Variants in WDR41 observed in about 807,000 individuals in gnomAD.
The protein encoded by WDR41 is WD repeat domain 41.
In WDR41, 63 loss-of-function variants were observed where a neutral mutation model predicts 69.3. The ratio of observed to expected loss-of-function variants is 0.91; its 90% CI spans 0.74 to 1.12. The LOEUF is 1.12. WDR41 is among the 50% of genes most tolerant of loss of function. The probability of loss-of-function intolerance (pLI) is 0.00; values close to 1 mark genes in which losing one functional copy is unlikely to be tolerated. For synonymous variants in WDR41, 185 were observed against 192.1 expected, an observed-to-expected ratio of 0.96 and a Z score of 0.31; for missense variants, 543 against 534.5, an observed-to-expected ratio of 1.02 and a Z score of -0.16.
chr5:77,594,158 C>T (rs945041502), intron 1 of WDR41, among the ~76,000 whole-genome samples: 12 of 150,898 alleles, frequency 8.0e-5, no homozygotes, highest in South Asian at 4.2e-4. Flanking sequence ...AGCAAACTAT[C>T]GCAAGGACAA....
chr5:77,527,464 C>G (rs1802466388), intron 1 of WDR41, among the ~76,000 whole-genome samples: 1 of 151,732 alleles, frequency 6.6e-6, no homozygotes, highest in Non-Finnish European at 1.5e-5. Flanking sequence ...AATTTGTAGG[C>G]ACTTAATAAT....
intron 2 of WDR41, among the ~76,000 whole-genome samples, chr5:77,484,630 A>C (rs1192771922): frequency 6.6e-6 from 1 of 152,212 alleles, no homozygotes. Context: ...TAACTTTTTC[A>C]AGCCATCAAA....
At chr5:77,570,682 T>C (rs1304432322) in intron 1 of WDR41, among the ~76,000 whole-genome samples, 1 of 151,748 alleles carries the variant, frequency 6.6e-6, no homozygotes, top group Non-Finnish European at 1.5e-5. Context: ...TGTGGCACTT[T>C]CCATTCAAAT....
chr5:77,437,460 G>T, intron 10 of WDR41, 36 bp from the exon 11 acceptor site: 1 of 1,557,426 alleles, frequency 6.4e-7, no homozygotes, highest in Non-Finnish European at 8.9e-7. Flanking sequence ...CAAAAAGAGC[G>T]CACCACTGAG....
intron 1 of WDR41, among the ~76,000 whole-genome samples, chr5:77,577,958 T>C (rs1242543685): frequency 2.0e-5 from 3 of 152,230 alleles, no homozygotes; most frequent in African/African-American, 7.2e-5. Flanking sequence ...ACGAAGCCTA[T>C]TTTATAATAA....
chr5:77,482,192 C>T (rs1801302335), intron 2 of WDR41, among the ~76,000 whole-genome samples: 1 of 152,136 alleles, frequency 6.6e-6, no homozygotes, highest in Non-Finnish European at 1.5e-5. Context: ...AGTCCAACCC[C>T]TCTGTAAATT....
intron 1 of WDR41, among the ~76,000 whole-genome samples, chr5:77,537,255 T>C (rs926573814): frequency 1.3e-5 from 2 of 152,176 alleles, no homozygotes. Flanking sequence ...TTTATTTTCA[T>C]TAGGTATGGT....
At chr5:77,554,611 A>G (rs1028583198) in intron 1 of WDR41, among the ~76,000 whole-genome samples, 2 of 149,398 alleles carry the variant, frequency 1.3e-5, no homozygotes, top group Non-Finnish European at 3.0e-5. Context: ...ATTATATAAT[A>G]TAAATTTTTT....
intron 1 of WDR41, chr5:77,582,833 T>C: frequency 6.2e-7 from 1 of 1,602,048 alleles, no homozygotes; most frequent in Admixed American, 1.7e-5. Flanking sequence ...GTAAATGAAC[T>C]AATCTACAAG....
chr5:77,439,302 T>G (rs1799067777), intron 9 of WDR41, among the ~76,000 whole-genome samples: 1 of 152,196 alleles, frequency 6.6e-6, no homozygotes, highest in African/African-American at 2.4e-5. Flanking sequence ...CCTCCAAGAC[T>G]ACAAACTCAA....
At chr5:77,462,442 T>A (rs1253388876) in intron 4 of WDR41, among the ~76,000 whole-genome samples, 3 of 149,340 alleles carry the variant, frequency 2.0e-5, no homozygotes, top group South Asian at 2.1e-4. Context: ...TAAAAATACC[T>A]ATGTCAAAGG....
intron 5 of WDR41, among the ~76,000 whole-genome samples, chr5:77,458,565 C>T (rs1799923062): frequency 6.6e-6 from 1 of 152,124 alleles, no homozygotes; most frequent in Admixed American, 6.5e-5. Flanking sequence ...TCTGTCATAT[C>T]ATTAGCCCCA....
intron 1 of WDR41, among the ~76,000 whole-genome samples, chr5:77,533,963 C>A (rs1742914581): frequency 6.6e-6 from 1 of 152,050 alleles, no homozygotes; most frequent in Non-Finnish European, 1.5e-5. Context: ...GTACACCAAC[C>A]AAATAAGCTT....
intron 2 of WDR41, among the ~76,000 whole-genome samples, chr5:77,476,231 CA>C (rs1398247440): frequency 2.0e-5 from 3 of 152,076 alleles, no homozygotes; most frequent in Non-Finnish European, 4.4e-5. Flanking sequence ...AGAATGGAAC[CA>C]AACTGGAAAA....
chr5:77,484,591 C>G (rs1801427814), intron 2 of WDR41, among the ~76,000 whole-genome samples: 1 of 152,062 alleles, frequency 6.6e-6, no homozygotes, highest in South Asian at 2.1e-4. Context: ...TTTTTCCAGG[C>G]ATAAGTACGT....
chr5:77,564,037 T>C (rs950234883), intron 1 of WDR41, among the ~76,000 whole-genome samples: 7 of 152,166 alleles, frequency 4.6e-5, no homozygotes, highest in Admixed American at 6.6e-5. Flanking sequence ...AATGTTCTCA[T>C]CTATAAAATA....
At chr5:77,476,472 C>A (rs1225232380) in intron 2 of WDR41, among the ~76,000 whole-genome samples, 1 of 152,180 alleles carries the variant, frequency 6.6e-6, no homozygotes, top group African/African-American at 2.4e-5. Flanking sequence ...CACAGCGGAT[C>A]TCCTGGCAGA....
At chr5:77,496,951 T>C (rs1281909647), upstream of WDR41, among the ~76,000 whole-genome samples, 1 of 152,104 alleles carries the variant, frequency 6.6e-6, no homozygotes, top group African/African-American at 2.4e-5. Context: ...CTCTTACATA[T>C]ATGGTCAATT....
intron 1 of WDR41, among the ~76,000 whole-genome samples, chr5:77,584,587 A>C (rs1005329981): frequency 6.6e-6 from 1 of 152,204 alleles, no homozygotes; most frequent in Non-Finnish European, 1.5e-5. Flanking sequence ...CAGCCAACTG[A>C]TCTTCAACAA....
Sources: allele counts gnomAD v4.1 joint callset (sites outside exome capture counted in the v4.1 genomes callset), GRCh38; gene constraint gnomAD v4.1.1; transcripts MANE v1.5; gene names NCBI Gene and HGNC (gene_info 2026-07-23, HGNC 2026-07-21).